Variants in PTPDC1 observed in about 807,000 individuals in gnomAD.
PTPDC1 encodes protein tyrosine phosphatase domain containing 1.
In PTPDC1, 53 loss-of-function variants were observed where a neutral mutation model predicts 75.3. The observed-to-expected ratio is 0.70, with a 90% CI of 0.56 to 0.88. The LOEUF (loss-of-function observed/expected upper bound fraction) is 0.88. Ranked by LOEUF, PTPDC1 falls within the 40% of genes least tolerant of loss-of-function variation. The pLI is 0.00. For missense variants in PTPDC1, 925 were observed against 998.6 expected (o/e 0.93, Z 0.99); for synonymous variants, 349 against 366.2 (o/e 0.95, Z 0.54).
At chr9:94,070,349 C>T (rs1485833002) in intron 2 of PTPDC1, among the ~76,000 whole-genome samples, 1 of 152,184 alleles carries the variant, frequency 6.6e-6, no homozygotes. Context: ...ATGCCATGCA[C>T]CCTACTATTT....
chr9:94,095,727 C>G (rs1827540002), intron 5 of PTPDC1, among the ~76,000 whole-genome samples: 1 of 152,140 alleles, frequency 6.6e-6, no homozygotes, highest in Non-Finnish European at 1.5e-5. Context: ...ATACACTGAT[C>G]TGATCACTAT....
intron 4 of PTPDC1, among the ~76,000 whole-genome samples, chr9:94,091,344 G>A (rs896195464): frequency 6.6e-6 from 1 of 152,156 alleles, no homozygotes; most frequent in African/African-American, 2.4e-5. Context: ...AGATAATCAT[G>A]TGGTTTTTGT....
intron 1 of PTPDC1, among the ~76,000 whole-genome samples, chr9:94,039,852 A>C (rs1825380164): frequency 6.6e-6 from 1 of 152,222 alleles, no homozygotes; most frequent in South Asian, 2.1e-4. Context: ...CTTAATCTAT[A>C]GTAGATTCTG....
chr9:94,075,655 C>T (rs1326598075), intron 2 of PTPDC1, among the ~76,000 whole-genome samples: 2 of 152,296 alleles, frequency 1.3e-5, no homozygotes, highest in East Asian at 3.9e-4. Flanking sequence ...TAGACAGTCT[C>T]TCACTCTCAG....
rs955620584 is a variant in PTPDC1 at position 94,036,179 on chromosome 9, CT to C, written c.-7+5057del. ...GATTCTTCCCTTTGCTGTGCAGAAT[CT>C]TTTTGGTTTGTTGTAGACCTTTTTT... On this transcript the variant is annotated intron_variant, in intron 1 of 9. Coordinates refer to the PTPDC1 transcript ENST00000375360. Among the ~76,000 whole-genome samples, 58 of 152,014 alleles carry C rather than the reference CT, an allele frequency of 3.8e-4. 1 individual carries two copies. The highest frequency in any genetic ancestry group is 1.3e-3 in the African/African-American group (55 of 41,490).
chr9:94,039,697 G>C (rs1436426521), intron 1 of PTPDC1, among the ~76,000 whole-genome samples: 6 of 152,124 alleles, frequency 3.9e-5, no homozygotes, highest in African/African-American at 1.4e-4. Flanking sequence ...GATCATGCCA[G>C]TATGTTCCTG....
intron 6 of PTPDC1, 80 bp from the exon 7 acceptor site, chr9:94,101,486 A>G: frequency 9.4e-7 from 1 of 1,068,600 alleles, no homozygotes; most frequent in Non-Finnish European, 1.4e-6. Context: ...CGCAAGAATC[A>G]TGCAGTGTCA....
At chr9:94,060,976 C>T (rs1471145358) in intron 1 of PTPDC1, among the ~76,000 whole-genome samples, 1 of 152,120 alleles carries the variant, frequency 6.6e-6, no homozygotes, top group Non-Finnish European at 1.5e-5. Flanking sequence ...AACAGTACCC[C>T]CAAAGTCTTT....
rs371210007 is a variant in PTPDC1, at chr9:94,031,816, C to T, written c.-7+689C>T. ...GGAAAATCAAGAAAAGGTTGAGAAACACTGCTTTAGGGAGGTGGATAAGCA... is the reference window on the plus strand; with the variant it reads ...GGAAAATCAAGAAAAGGTTGAGAAATACTGCTTTAGGGAGGTGGATAAGCA... On this transcript the variant is annotated intron_variant, in intron 1 of 9. Transcript: ENST00000375360. 8.9e-4 allele frequency among the ~76,000 whole-genome samples: 135 copies of T among 152,228 alleles called. 1 individual carries two copies. The highest frequency in any genetic ancestry group is 3.1e-3 in the African/African-American group (128 of 41,518).
chr9:94,109,463 T>C lies in PTPDC1; in HGVS notation c.*1519T>C, dbSNP rs1473450018. ...TTCTTTCACACTGTTTTAATTTTCT[T>C]GGGAAATTGAGTCCAGTGGATGTTA... is the stretch of plus-strand genomic sequence containing the variant. On this transcript the variant is annotated 3_prime_UTR_variant, in exon 9 of 9. Coordinates refer to ENST00000620992, the MANE Select transcript of PTPDC1 (RefSeq NM_001253829.2). The C allele has an allele frequency of 6.6e-6, 1 of 152,246 alleles. No homozygotes were observed. The highest frequency in any genetic ancestry group is 1.5e-5 in the Non-Finnish European group (1 of 68,046). The allele number at this position is 152,246 out of a possible 1,614,324, so 9.4% of individuals were successfully genotyped here. A position where few individuals can be genotyped will look rare whatever the true frequency, so the allele number is the denominator to read the frequency against.
chr9:94,043,736 C>T (rs1312480523), intron 1 of PTPDC1, among the ~76,000 whole-genome samples: 2 of 152,072 alleles, frequency 1.3e-5, no homozygotes, highest in Non-Finnish European at 2.9e-5. Flanking sequence ...AATAAAAACT[C>T]ATCAGCAAAC....
intron 2 of PTPDC1, among the ~76,000 whole-genome samples, chr9:94,087,365 T>C (rs1564027266): frequency 6.6e-6 from 1 of 152,198 alleles, no homozygotes; most frequent in Non-Finnish European, 1.5e-5. Context: ...AACTCATCTA[T>C]GTAACCTGAA....
rs773617126 is a variant in PTPDC1, at chr9:94,064,839, C to T, written c.82+18C>T. 1.1e-5 allele frequency: 17 copies of T among 1,571,524 alleles called. No homozygotes were observed. The East Asian group carries it at 2.9e-4, about 27-fold the overall frequency. The stretch of plus-strand genomic sequence containing the variant: ...CATGAAAGGTAATGTCTCTTTAATA[C>T]ACTTTTTGTCTCTCTGTGCAAGCTG... On this transcript the variant is annotated intron_variant, in intron 2 of 9. Transcript: ENST00000375360.
rs1329096660 is a variant in PTPDC1, at chr9:94,101,747, A to G, written c.2195A>G (p.Glu732Gly). The change falls in exon 7 of 9, where the codon GAG becomes GGG. Residue 732 changes from glutamate (E) to glycine (G), a missense_variant. Glu to Gly is a moderately conservative substitution (Grantham distance 98). Coordinates refer to ENST00000620992, the MANE Select transcript of PTPDC1 (RefSeq NM_001253829.2). ...GCCGCAGAAGCACTTTTTTTATTAG[A>G]GAAGGTAAAGTGGCTGTAGGACCAG... ...ADAAEALFLL[E>G]KGQHQTILCV... The G allele has an allele frequency of 1.2e-6, 2 of 1,606,708 alleles. No homozygotes were observed.
chr9:94,035,487 C>T (rs1016808258), intron 1 of PTPDC1, among the ~76,000 whole-genome samples: 2 of 152,136 alleles, frequency 1.3e-5, no homozygotes, highest in East Asian at 3.9e-4. Flanking sequence ...TTATTCCATC[C>T]ACGTTGTGGC....
chr9:94,099,666 C>G (rs1397907361), intron 6 of PTPDC1, among the ~76,000 whole-genome samples: 1 of 152,162 alleles, frequency 6.6e-6, no homozygotes, highest in African/African-American at 2.4e-5. Flanking sequence ...ATTTTCTGCT[C>G]CAAACTGAAA....
chr9:94,061,631 T>G (rs943361728), intron 1 of PTPDC1, among the ~76,000 whole-genome samples: 4 of 152,244 alleles, frequency 2.6e-5, no homozygotes, highest in African/African-American at 9.6e-5. Context: ...ACCTGCAGGC[T>G]TAACACCACA....
intron 1 of PTPDC1, among the ~76,000 whole-genome samples, chr9:94,048,959 A>T (rs1413305411): frequency 1.3e-5 from 2 of 152,026 alleles, no homozygotes; most frequent in African/African-American, 4.8e-5. Context: ...CCATTATGTA[A>T]TGGCCTTCTT....
At chr9:94,044,880 A>T (rs374727948) in intron 1 of PTPDC1, among the ~76,000 whole-genome samples, 1 of 152,044 alleles carries the variant, frequency 6.6e-6, no homozygotes, top group South Asian at 2.1e-4. Context: ...TTTAGGGTAC[A>T]TGTGCACAAT....
Sources: allele counts gnomAD v4.1 joint callset (sites outside exome capture counted in the v4.1 genomes callset), GRCh38; gene constraint gnomAD v4.1.1; transcripts MANE v1.5; gene names NCBI Gene and HGNC (gene_info 2026-07-23, HGNC 2026-07-21).